NCK2: variants seen among roughly 807,000 people sequenced by gnomAD.
NCK2 encodes the protein NCK adaptor protein 2, also known as cytoplasmic protein NCK2.
NCK2 carries 16 observed loss-of-function variants against 33.9 expected under a neutral mutation model. The observed-to-expected ratio is 0.47, with a 90% CI of 0.32 to 0.72. NCK2 has a LOEUF of 0.72. NCK2 is among the 30% of genes least tolerant of loss of function. The pLI is 0.03. For missense variants in NCK2, 418 were observed against 537.3 expected (o/e 0.78, Z 2.19); for synonymous variants, 273 against 239.9 (o/e 1.14, Z -1.27).
At chr2:105,885,174 G>T (rs1236330884) in intron 4 of NCK2, among the ~76,000 whole-genome samples, 1 of 152,190 alleles carries the variant, frequency 6.6e-6, no homozygotes, top group Non-Finnish European at 1.5e-5. Flanking sequence ...GATATGGTTG[G>T]AAAAGGTGCA....
At position 105,773,037 on chromosome 2, in the gene NCK2, G is replaced by A. The variant is rs139250663; in HGVS notation, c.-201+27899G>A. Among the ~76,000 whole-genome samples, 236 of 151,582 alleles carry A rather than the reference G, an allele frequency of 1.6e-3. 1 individual carries two copies. Among genetic ancestry groups the A allele is most frequent in the African/African-American group, 5.3e-3 (218 of 41,376 alleles). ...CTCCTTAGTAGCTGGGACTACAGGTGTGTAGCACCCCACTCAGCAAATTTT... is the reference window on the plus strand; with the variant it reads ...CTCCTTAGTAGCTGGGACTACAGGTATGTAGCACCCCACTCAGCAAATTTT... On this transcript the variant is annotated intron_variant, in intron 1 of 4. Transcript: ENST00000233154.
intron 1 of NCK2, among the ~76,000 whole-genome samples, chr2:105,754,634 T>C (rs1049555647): frequency 2.0e-5 from 3 of 151,868 alleles, no homozygotes; most frequent in African/African-American, 7.3e-5. Flanking sequence ...TGTGGGAGGT[T>C]GGGGGGAGCT....
At chr2:105,878,082 T>C (rs1309987504) in intron 3 of NCK2, among the ~76,000 whole-genome samples, 1 of 152,236 alleles carries the variant, frequency 6.6e-6, no homozygotes, top group East Asian at 1.9e-4. Flanking sequence ...CTTTCTATTT[T>C]GATGGCCATC....
chr2:105,784,155 G>A (rs868494990), intron 1 of NCK2, among the ~76,000 whole-genome samples: 3 of 152,198 alleles, frequency 2.0e-5, no homozygotes, highest in Admixed American at 6.5e-5. Context: ...CCAGGCTGGC[G>A]TGCAGTGGCG....
At chr2:105,875,001 T>G (rs937205446) in intron 3 of NCK2, among the ~76,000 whole-genome samples, 5 of 152,248 alleles carry the variant, frequency 3.3e-5, no homozygotes, top group Non-Finnish European at 7.3e-5. Flanking sequence ...TTCTGTCTGC[T>G]CACTGAGTGA....
At chr2:105,840,945 T>A (rs1676621925) in intron 2 of NCK2, among the ~76,000 whole-genome samples, 1 of 150,282 alleles carries the variant, frequency 6.7e-6, no homozygotes, top group Non-Finnish European at 1.5e-5. Context: ...AGATCATTCT[T>A]AAGTAAATCC....
rs147067591 is a variant in NCK2 at position 105,860,284 on chromosome 2, TC to T, written c.226+4996del. On this transcript the variant is annotated intron_variant, in intron 3 of 4. Coordinates refer to ENST00000233154, the MANE Select transcript of NCK2 (RefSeq NM_003581.5). ...CTGGGCCACAGAGTGAGACCCTGTC[TC>T]AAAAAATGAGCCATAAAAAAACAAA... Among the ~76,000 whole-genome samples the T allele has an allele frequency of 3.1e-3, 476 of 152,026 alleles. 1 individual carries two copies. Among genetic ancestry groups the T allele is most frequent in the African/African-American group, 0.01 (427 of 41,452 alleles).
At chr2:105,770,118 A>C (rs984525744) in intron 1 of NCK2, among the ~76,000 whole-genome samples, 3 of 113,134 alleles carry the variant, frequency 2.7e-5, no homozygotes, top group African/African-American at 1.1e-4. Flanking sequence ...ATAAAGCACT[A>C]ATAAGTAAAA....
At chr2:105,777,241 CG>C (rs1490374395) in intron 1 of NCK2, among the ~76,000 whole-genome samples, 3 of 152,088 alleles carry the variant, frequency 2.0e-5, no homozygotes, top group African/African-American at 7.2e-5. Flanking sequence ...AGCCACGAGC[CG>C]GGGTGTTGCG....
At chr2:105,815,843 C>T (rs1573625343) in intron 1 of NCK2, among the ~76,000 whole-genome samples, 2 of 152,306 alleles carry the variant, frequency 1.3e-5, no homozygotes, top group Middle Eastern at 6.8e-3. Flanking sequence ...TCAGACTGGC[C>T]ACCTTTCCAA....
At chr2:105,865,902 A>ATATTATTATTATTATTAT (rs61440392) in intron 3 of NCK2, among the ~76,000 whole-genome samples, 1,920 of 148,786 alleles carry the variant, frequency 0.013, 24 homozygotes, top group East Asian at 0.034. Context: ...AAAGACAGAG[A>ATATTATTATTATTATTAT]TATTATTATT....
Position 105,894,079 on chromosome 2 carries a change from T to C in NCK2, c.*903T>C, listed in dbSNP as rs1166868720. On this transcript the variant is annotated 3_prime_UTR_variant, in exon 5 of 5. Transcript: ENST00000233154. ...TCAGGGTTTACAAAAGAGTATGTGA[T>C]TGGTAGTAAGAGACACACAGAATGT... The C allele has an allele frequency of 6.6e-6, 1 of 152,502 alleles. No individual in the cohort carries two copies. Among genetic ancestry groups the C allele is most frequent in the Non-Finnish European group, 1.5e-5 (1 of 68,018 alleles). The allele number at this position is 152,502 out of a possible 1,614,324, so 9.4% of individuals were successfully genotyped here.
chr2:105,882,895 C>G (rs1678566315), intron 4 of NCK2, among the ~76,000 whole-genome samples: 1 of 152,204 alleles, frequency 6.6e-6, no homozygotes, highest in Non-Finnish European at 1.5e-5. Flanking sequence ...GCTTCAATTT[C>G]ATTTTTAAAT....
chr2:105,850,381 G>C (rs1004034047), intron 2 of NCK2, among the ~76,000 whole-genome samples: 4 of 152,176 alleles, frequency 2.6e-5, no homozygotes, highest in African/African-American at 9.7e-5. Flanking sequence ...GTTGAGCTGA[G>C]AAAGTTTTTA....
upstream of NCK2, among the ~76,000 whole-genome samples, chr2:105,744,459 A>G (rs1689189529): frequency 6.6e-6 from 1 of 152,132 alleles, no homozygotes. Context: ...GAGCTTCGTG[A>G]TAAGAACAAC....
intron 3 of NCK2, among the ~76,000 whole-genome samples, chr2:105,873,226 CTG>C (rs1305170272): frequency 6.6e-6 from 1 of 152,234 alleles, no homozygotes; most frequent in Non-Finnish European, 1.5e-5. Flanking sequence ...ACCCAAAAGT[CTG>C]TCCCACTCTC....
intron 1 of NCK2, among the ~76,000 whole-genome samples, chr2:105,766,162 G>A (rs2104367288): frequency 6.6e-6 from 1 of 152,248 alleles, no homozygotes; most frequent in South Asian, 2.1e-4. Flanking sequence ...GGCTGAGTGG[G>A]GAAGTGGGGC....
intron 1 of NCK2, among the ~76,000 whole-genome samples, chr2:105,764,428 C>G (rs1030897163): frequency 2.0e-5 from 3 of 152,264 alleles, no homozygotes; most frequent in Non-Finnish European, 2.9e-5. Flanking sequence ...CTGCAGGAGC[C>G]TGCAGCCTGC....
chr2:105,744,836 G>A (rs1318223988), upstream of NCK2: 1 of 159,826 alleles, frequency 6.3e-6, no homozygotes, highest in Non-Finnish European at 1.3e-5. Context: ...AGAGCGCGGA[G>A]GAGGCGGGCG....
Sources: allele counts gnomAD v4.1 joint callset (sites outside exome capture counted in the v4.1 genomes callset), GRCh38; gene constraint gnomAD v4.1.1; transcripts MANE v1.5; gene names NCBI Gene and HGNC (gene_info 2026-07-23, HGNC 2026-07-21).